Variants in PRELID2 observed in about 807,000 individuals in gnomAD.
PRELID2 encodes the protein PRELI domain containing 2.
Under a neutral mutation model 28.4 loss-of-function variants are expected in PRELID2, and 25 were observed. The ratio of observed to expected loss-of-function variants is 0.88; its 90% CI spans 0.64 to 1.23. The LOEUF (loss-of-function observed/expected upper bound fraction) is 1.23, where lower values mean the gene tolerates loss of function less well. Ranked by LOEUF, PRELID2 falls within the 50% of genes most tolerant of loss-of-function variation. PRELID2 has a pLI of 0.00. For synonymous variants in PRELID2, 76 were observed against 71.6 expected (o/e 1.06, Z -0.31); for missense variants, 201 against 214.4 (o/e 0.94, Z 0.39).
chr5:145,610,004 C>T (rs369122572), intron 1 of PRELID2, among the ~76,000 whole-genome samples: 16 of 152,348 alleles, frequency 1.1e-4, no homozygotes, highest in African/African-American at 3.8e-4. Flanking sequence ...TGGTCTGCTC[C>T]AGATCCCAAG....
intron 5 of PRELID2, among the ~76,000 whole-genome samples, chr5:145,776,729 A>G (rs182209601): frequency 6.6e-6 from 1 of 152,340 alleles, no homozygotes; most frequent in East Asian, 1.9e-4. Flanking sequence ...GAAGAAATAG[A>G]TGTAATAATG....
chr5:145,634,968 T>A (rs1381543693), intron 1 of PRELID2, among the ~76,000 whole-genome samples: 2 of 152,150 alleles, frequency 1.3e-5, no homozygotes, highest in Admixed American at 1.3e-4. Flanking sequence ...CAGTTAACCA[T>A]CCCCTATTTC....
rs114419069 is a variant in PRELID2, at chr5:145,497,274, T to G, written n.71-23959A>C. ...TTTGTAGTACAGTATTGCTGGGTCA[T>G]GATCTTTTCAAAATATAAATCAGAT... On this transcript the variant is annotated intron_variant and non_coding_transcript_variant, in intron 1 of 2. Transcript: ENST00000510259. 7.2e-3 allele frequency among the ~76,000 whole-genome samples: 1,103 copies of G among 152,314 alleles called. 20 individuals carry two copies. The highest frequency in any genetic ancestry group is 0.025 in the African/African-American group (1,021 of 41,576).
At chr5:145,358,106 AG>A in the PRELID2 span, among the ~76,000 whole-genome samples, 1 of 151,998 alleles carries the variant, frequency 6.6e-6, no homozygotes, top group Non-Finnish European at 1.5e-5. Context: ...CAAGGGCTGC[AG>A]TTGGCAGACA....
chr5:145,809,741 C>T (rs183115083), intron 4 of PRELID2, among the ~76,000 whole-genome samples: 3 of 152,320 alleles, frequency 2.0e-5, no homozygotes, highest in Admixed American at 6.5e-5. Flanking sequence ...TTGACAACAT[C>T]GTGAATAGGT....
At chr5:145,406,637 T>C in the PRELID2 span, among the ~76,000 whole-genome samples, 3 of 152,190 alleles carry the variant, frequency 2.0e-5, no homozygotes, top group Admixed American at 1.3e-4. Context: ...CATTGTGAAC[T>C]TTTGCTCCAA....
At chr5:145,469,934 TAGGA>T (rs1294305571), downstream of PRELID2, among the ~76,000 whole-genome samples, 3 of 152,148 alleles carry the variant, frequency 2.0e-5, no homozygotes, top group Admixed American at 2.0e-4. Context: ...GTTTCACATG[TAGGA>T]ATCTATCCTA....
At chr5:145,239,058 A>AT in the PRELID2 span, among the ~76,000 whole-genome samples, 4 of 152,018 alleles carry the variant, frequency 2.6e-5, no homozygotes, top group Non-Finnish European at 4.4e-5. Flanking sequence ...CATCTGAAGC[A>AT]TTTTTTCTGG....
downstream of PRELID2, chr5:145,754,308 A>G (rs1757200851): frequency 6.6e-6 from 1 of 152,150 alleles, no homozygotes; most frequent in African/African-American, 2.4e-5. Flanking sequence ...TTGGGGCCAC[A>G]AACCTATGTG....
At chr5:145,263,148 T>C in the PRELID2 span, among the ~76,000 whole-genome samples, 9 of 152,142 alleles carry the variant, frequency 5.9e-5, no homozygotes, top group East Asian at 1.6e-3. Context: ...CAATCCAAAA[T>C]ATACATACAT....
intron 1 of PRELID2, among the ~76,000 whole-genome samples, chr5:145,528,264 C>A (rs1040574941): frequency 6.6e-6 from 1 of 152,146 alleles, no homozygotes; most frequent in South Asian, 2.1e-4. Context: ...TAGATTTTAA[C>A]CTCTTTGAGA....
At chr5:145,686,155 C>A (rs1755034835) in intron 1 of PRELID2, among the ~76,000 whole-genome samples, 3 of 152,178 alleles carry the variant, frequency 2.0e-5, no homozygotes, top group Non-Finnish European at 4.4e-5. Flanking sequence ...CCTCCTAAGT[C>A]TGTTACATGC....
downstream of PRELID2, among the ~76,000 whole-genome samples, chr5:145,755,271 A>G (rs1757226974): frequency 6.6e-6 from 1 of 152,186 alleles, no homozygotes; most frequent in South Asian, 2.1e-4. Context: ...GCAAACAACA[A>G]CATCTGCTTA....
the PRELID2 span, among the ~76,000 whole-genome samples, chr5:145,411,224 G>A: frequency 7.2e-5 from 11 of 152,132 alleles, no homozygotes; most frequent in African/African-American, 1.4e-4. Context: ...CACATCTTAC[G>A]TGGATGACAG....
the PRELID2 span, among the ~76,000 whole-genome samples, chr5:145,356,041 T>G: frequency 1.3e-5 from 2 of 152,164 alleles, no homozygotes; most frequent in Non-Finnish European, 2.9e-5. Context: ...TTCCAATGTC[T>G]TACTAAAACT....
intron 1 of PRELID2, among the ~76,000 whole-genome samples, chr5:145,487,951 C>G (rs1752232652): frequency 6.6e-6 from 1 of 151,374 alleles, no homozygotes; most frequent in African/African-American, 2.4e-5. Flanking sequence ...GGTGAAAACT[C>G]ATCTCTACTA....
At chr5:145,725,474 A>T (rs1338477664) in intron 1 of PRELID2, among the ~76,000 whole-genome samples, 1 of 152,230 alleles carries the variant, frequency 6.6e-6, no homozygotes, top group Non-Finnish European at 1.5e-5. Flanking sequence ...CTGCTGTTAA[A>T]AAATAAAAAA....
Position 145,757,581 on chromosome 5 carries a change from A to G in PRELID2, c.*2955T>C, listed in dbSNP as rs925083768. 6.6e-6 allele frequency among the ~76,000 whole-genome samples: 1 copy of G among 152,128 alleles called. No individual in the cohort carries two copies. The highest frequency in any genetic ancestry group is 1.5e-5 in the Non-Finnish European group (1 of 68,024). The stretch of plus-strand genomic sequence containing the variant: ...GTACTCCTGGTTTTGACATTTCTTA[A>G]GCTACACAGTACAGAATAAAAAACA... On this transcript the variant is annotated 3_prime_UTR_variant, in exon 7 of 7. Transcript: ENST00000683046.
chr5:145,662,608 G>A (rs1754515452), intron 1 of PRELID2, among the ~76,000 whole-genome samples: 2 of 152,088 alleles, frequency 1.3e-5, no homozygotes, highest in African/African-American at 4.8e-5. Flanking sequence ...CCTCATTAAT[G>A]GATTAATTCA....
Sources: allele counts gnomAD v4.1 joint callset (sites outside exome capture counted in the v4.1 genomes callset), GRCh38; gene constraint gnomAD v4.1.1; transcripts MANE v1.5; gene names NCBI Gene and HGNC (gene_info 2026-07-23, HGNC 2026-07-21).